Variants in RNLS observed in about 807,000 individuals in gnomAD.
RNLS encodes renalase, FAD dependent amine oxidase.
Under a neutral mutation model 39.8 loss-of-function variants are expected in RNLS, and 39 were observed. The observed-to-expected ratio is 0.98, with a 90% CI of 0.76 to 1.28. The LOEUF (loss-of-function observed/expected upper bound fraction) is 1.28. Among genes scored for constraint, RNLS ranks in the 50% most tolerant of loss-of-function variants. The pLI is 0.00. For synonymous variants in RNLS, 147 were observed against 150.7 expected (o/e 0.98, Z 0.18); for missense variants, 410 against 413.3 (o/e 0.99, Z 0.07).
chr10:88,295,699 T>C (rs1844041200), intron 6 of RNLS, among the ~76,000 whole-genome samples: 1 of 152,184 alleles, frequency 6.6e-6, no homozygotes, highest in Non-Finnish European at 1.5e-5. Flanking sequence ...GTCTATTCTA[T>C]TTTAATAAAC....
the RNLS span, among the ~76,000 whole-genome samples, chr10:88,232,448 A>G: frequency 0.87 from 132,658 of 152,196 alleles, 57,935 homozygotes; most frequent in African/African-American, 0.92. Flanking sequence ...CCTTTTCTAC[A>G]TCTTTTTCTT....
At chr10:88,331,037 G>T (rs190141958) in intron 5 of RNLS, among the ~76,000 whole-genome samples, 4 of 152,172 alleles carry the variant, frequency 2.6e-5, no homozygotes, top group African/African-American at 9.6e-5. Flanking sequence ...TTGGATATAA[G>T]GAAAAAATTA....
At chr10:88,260,838 C>T in the RNLS span, among the ~76,000 whole-genome samples, 7 of 152,296 alleles carry the variant, frequency 4.6e-5, no homozygotes, top group Non-Finnish European at 7.4e-5. Context: ...GTTTGCTTAG[C>T]AGAAACTAAA....
At chr10:88,432,053 T>C (rs1038780549) in intron 4 of RNLS, among the ~76,000 whole-genome samples, 1 of 151,820 alleles carries the variant, frequency 6.6e-6, no homozygotes, top group African/African-American at 2.4e-5. Context: ...GGGGCTTTGA[T>C]AACTCTAGCA....
At chr10:88,574,096 G>C (rs1404643406) in intron 3 of RNLS, among the ~76,000 whole-genome samples, 1 of 152,038 alleles carries the variant, frequency 6.6e-6, no homozygotes, top group African/African-American at 2.4e-5. Context: ...AGCTGAAATC[G>C]CACCACTACC....
At chr10:88,400,857 T>C (rs562261435) in intron 4 of RNLS, among the ~76,000 whole-genome samples, 25 of 152,098 alleles carry the variant, frequency 1.6e-4, no homozygotes, top group Middle Eastern at 3.4e-3. Context: ...GTGACCTAGA[T>C]TTGTTTAGAA....
Position 88,431,676 on chromosome 10 carries a change from G to T in RNLS, c.527-68951C>A, listed in dbSNP as rs75281503. Among the ~76,000 whole-genome samples the T allele has an allele frequency of 4.3e-3, 657 of 151,660 alleles. 7 individuals are homozygous for T. Among genetic ancestry groups the T allele is most frequent in the African/African-American group, 0.014 (597 of 41,468 alleles). On this transcript the variant is annotated intron_variant, in intron 4 of 6. Transcript: ENST00000331772. ...AGAAATTCTGATACGTTGTATTTTC[G>T]CATTAATTCAGTTCAAAATACTTCC... is the stretch of plus-strand genomic sequence containing the variant.
intron 4 of RNLS, among the ~76,000 whole-genome samples, chr10:88,527,109 T>G (rs927640666): frequency 6.6e-6 from 1 of 152,100 alleles, no homozygotes; most frequent in Middle Eastern, 3.2e-3. Flanking sequence ...CAGAATCATG[T>G]AGGTGTACAA....
At chr10:88,324,509 T>C (rs926664367) in intron 5 of RNLS, among the ~76,000 whole-genome samples, 8 of 150,096 alleles carry the variant, frequency 5.3e-5, no homozygotes, top group Non-Finnish European at 1.0e-4. Context: ...TGGGTACACA[T>C]GATATAAAGA....
intron 4 of RNLS, among the ~76,000 whole-genome samples, chr10:88,444,746 T>C (rs1841940304): frequency 3.9e-5 from 6 of 151,976 alleles, no homozygotes; most frequent in Admixed American, 3.9e-4. Flanking sequence ...ATGAATGAAA[T>C]GAAGCAAGAA....
At chr10:88,528,927 T>C (rs1847266252) in intron 4 of RNLS, among the ~76,000 whole-genome samples, 1 of 151,024 alleles carries the variant, frequency 6.6e-6, no homozygotes, top group African/African-American at 2.4e-5. Context: ...CAATAGAATA[T>C]CTAATGTGGT....
At chr10:88,237,740 A>G in the RNLS span, among the ~76,000 whole-genome samples, 5 of 152,220 alleles carry the variant, frequency 3.3e-5, no homozygotes, top group African/African-American at 1.2e-4. Context: ...ATCAATGAAC[A>G]AATCTATCAA....
intron 5 of RNLS, among the ~76,000 whole-genome samples, chr10:88,325,511 C>A (rs1195970792): frequency 6.6e-6 from 1 of 152,168 alleles, no homozygotes; most frequent in African/African-American, 2.4e-5. Context: ...TAAATACTTA[C>A]AATCAAAAGC....
chr10:88,422,771 T>C (rs1488661992), intron 4 of RNLS, among the ~76,000 whole-genome samples: 1 of 152,134 alleles, frequency 6.6e-6, no homozygotes, highest in East Asian at 1.9e-4. Context: ...CCTTTTTTTT[T>C]TTTGACACAA....
At chr10:88,446,962 GC>G (rs1198413158) in intron 4 of RNLS, among the ~76,000 whole-genome samples, 1 of 152,178 alleles carries the variant, frequency 6.6e-6, no homozygotes, top group Admixed American at 6.5e-5. Context: ...AAATTCAGCA[GC>G]CCTTCAGGCT....
rs1847421332 is a variant in RNLS at position 88,335,474 on chromosome 10, CCT to C, written c.701-20835_701-20834del. Among the ~76,000 whole-genome samples the C allele has an allele frequency of 2.0e-5, 3 of 152,256 alleles. No individual in the cohort carries two copies. In the South Asian group the frequency reaches 6.2e-4, roughly 32 times the overall value. On this transcript the variant is annotated intron_variant, in intron 5 of 6. Coordinates refer to ENST00000331772, the MANE Select transcript of RNLS (RefSeq NM_001031709.3). ...AACTCAAGGGATTCACCCACTTTAG[CCT>C]CTCAAAGTTTTGGGATTACAGGTGT...
the RNLS span, among the ~76,000 whole-genome samples, chr10:88,260,630 G>C: frequency 6.6e-6 from 1 of 152,182 alleles, no homozygotes; most frequent in Non-Finnish European, 1.5e-5. Flanking sequence ...TGGTTGGAAG[G>C]GTTCTTGGGC....
intron 4 of RNLS, among the ~76,000 whole-genome samples, chr10:88,435,260 A>G (rs1267238658): frequency 1.3e-5 from 2 of 152,212 alleles, no homozygotes; most frequent in East Asian, 3.9e-4. Flanking sequence ...AGGAAATGCA[A>G]GGCACCTCCA....
At chr10:88,388,487 A>C (rs1450138645) in intron 4 of RNLS, among the ~76,000 whole-genome samples, 1 of 152,030 alleles carries the variant, frequency 6.6e-6, no homozygotes, top group Non-Finnish European at 1.5e-5. Context: ...CCTAGGACTC[A>C]CTGTTCTAGC....
Sources: gnomAD v4.1 joint callset for allele counts (sites outside exome capture counted in the v4.1 genomes callset) on GRCh38, gnomAD v4.1.1 for gene constraint, MANE v1.5 for transcripts, NCBI Gene and HGNC (gene_info 2026-07-23, HGNC 2026-07-21) for gene names.